NCKAP5: variants seen among roughly 807,000 people sequenced by gnomAD.
The protein encoded by NCKAP5 is nck-associated protein 5.
A neutral mutation model predicts 167.0 loss-of-function variants in NCKAP5; 92 were observed. The ratio of observed to expected loss-of-function variants is 0.55; its 90% CI spans 0.47 to 0.66. NCKAP5 has a LOEUF of 0.66. Among genes scored for constraint, NCKAP5 ranks in the 30% least tolerant of loss-of-function variants. NCKAP5 has a pLI of 0.00. For missense variants in NCKAP5, 2,378 were observed against 2,315.0 expected, an observed-to-expected ratio of 1.03 and a Z score of -0.56; for synonymous variants, 891 against 877.4, an observed-to-expected ratio of 1.02 and a Z score of -0.27.
intron 11 of NCKAP5, among the ~76,000 whole-genome samples, chr2:132,826,060 T>C (rs1428154475): frequency 6.6e-6 from 1 of 152,216 alleles, no homozygotes; most frequent in Non-Finnish European, 1.5e-5. Flanking sequence ...AATTGCTTAT[T>C]TAAAAGGAGG....
chr2:132,899,407 T>G (rs1693449456), intron 8 of NCKAP5, among the ~76,000 whole-genome samples: 1 of 152,264 alleles, frequency 6.6e-6, no homozygotes, highest in Non-Finnish European at 1.5e-5. Flanking sequence ...TAAGGCTGTT[T>G]TGCTTTCTCA....
At chr2:132,959,079 T>A (rs1352252974) in intron 8 of NCKAP5, among the ~76,000 whole-genome samples, 10 of 145,956 alleles carry the variant, frequency 6.9e-5, no homozygotes, top group African/African-American at 2.3e-4. Flanking sequence ...TAATAATATA[T>A]TAATAAATAT....
At chr2:133,454,612 C>A (rs1282503410) in intron 3 of NCKAP5, among the ~76,000 whole-genome samples, 1 of 152,038 alleles carries the variant, frequency 6.6e-6, no homozygotes, top group African/African-American at 2.4e-5. Flanking sequence ...CTTTGGAGTG[C>A]TTTTGACATG....
At chr2:132,697,823 G>A (rs1384184181) in intron 19 of NCKAP5, among the ~76,000 whole-genome samples, 2 of 152,066 alleles carry the variant, frequency 1.3e-5, no homozygotes, top group African/African-American at 4.8e-5. Context: ...AGTCTTTTTG[G>A]TTTTCAAATT....
chr2:132,687,756 C>CACACACACACA (rs1558922334), intron 19 of NCKAP5, among the ~76,000 whole-genome samples: 8 of 139,584 alleles, frequency 5.7e-5, no homozygotes, highest in African/African-American at 1.6e-4. Flanking sequence ...CACACACACA[C>CACACACACACA]CCTTCCTCTG....
the NCKAP5 span, among the ~76,000 whole-genome samples, chr2:133,585,004 AAGAG>A: frequency 1.4e-5 from 2 of 146,584 alleles, no homozygotes; most frequent in African/African-American, 2.5e-5. Flanking sequence ...GAGGGAAAGA[AAGAG>A]AGAAAAGAAA....
intron 8 of NCKAP5, among the ~76,000 whole-genome samples, chr2:132,892,137 G>A (rs1367297376): frequency 6.6e-6 from 1 of 152,146 alleles, no homozygotes; most frequent in Non-Finnish European, 1.5e-5. Flanking sequence ...AATGTACCAT[G>A]GGTCCTCTGG....
intron 8 of NCKAP5, among the ~76,000 whole-genome samples, chr2:132,894,441 C>CT (rs1055208050): frequency 3.3e-5 from 5 of 152,200 alleles, no homozygotes; most frequent in South Asian, 2.1e-4. Context: ...CATGTAATGA[C>CT]TTTTTTTTCT....
Position 132,733,014 on chromosome 2 carries a change from A to G in NCKAP5, c.5129-963T>C, listed in dbSNP as rs527726406. On this transcript the variant is annotated intron_variant, in intron 16 of 19. Coordinates refer to ENST00000409261, the MANE Select transcript of NCKAP5 (RefSeq NM_207363.3). ...ACGCTTTGGATTTCTTGGCAGTCCC[A>G]GGGATCCCACTATTCTCTAGAACAA... 6.6e-5 allele frequency among the ~76,000 whole-genome samples: 10 copies of G among 152,366 alleles called. No homozygotes were observed. In the East Asian group the frequency reaches 1.9e-3, roughly 29 times the overall value.
At chr2:133,236,637 A>C (rs573880134) in intron 4 of NCKAP5, among the ~76,000 whole-genome samples, 1 of 152,360 alleles carries the variant, frequency 6.6e-6, no homozygotes, top group East Asian at 1.9e-4. Context: ...AGTGGGAAAT[A>C]TTAAGATATA....
At chr2:133,671,841 GC>G in the NCKAP5 span, among the ~76,000 whole-genome samples, 7 of 152,240 alleles carry the variant, frequency 4.6e-5, no homozygotes, top group South Asian at 1.5e-3. Context: ...ATGCTGCCAT[GC>G]CCTGTGCATT....
chr2:133,139,892 T>C (rs1326379263), intron 5 of NCKAP5, among the ~76,000 whole-genome samples: 1 of 152,218 alleles, frequency 6.6e-6, no homozygotes, highest in Non-Finnish European at 1.5e-5. Flanking sequence ...CATTGAGTAA[T>C]AACCCAGGTA....
chr2:133,056,861 T>C (rs150489145), intron 6 of NCKAP5, among the ~76,000 whole-genome samples: 229 of 152,348 alleles, frequency 1.5e-3, no homozygotes, highest in African/African-American at 5.3e-3. Context: ...TGCCCTGTTT[T>C]AGTGTACATC....
intron 5 of NCKAP5, among the ~76,000 whole-genome samples, chr2:133,144,361 G>C (rs1201362735): frequency 6.6e-6 from 1 of 152,048 alleles, no homozygotes; most frequent in Non-Finnish European, 1.5e-5. Context: ...GAGGGAAATA[G>C]CTCAGCCATA....
At chr2:132,917,896 G>C (rs1404992358) in intron 8 of NCKAP5, among the ~76,000 whole-genome samples, 1 of 152,070 alleles carries the variant, frequency 6.6e-6, no homozygotes, top group African/African-American at 2.4e-5. Context: ...TCCTCTGCAG[G>C]AGGACCAATT....
chr2:133,136,361 A>T (rs1364644728), intron 5 of NCKAP5, among the ~76,000 whole-genome samples: 1 of 152,178 alleles, frequency 6.6e-6, no homozygotes, highest in African/African-American at 2.4e-5. Flanking sequence ...AAGAAAGAGG[A>T]ATTTATTTGG....
At chr2:133,475,186 G>T (rs1469022705) in intron 3 of NCKAP5, among the ~76,000 whole-genome samples, 4 of 152,156 alleles carry the variant, frequency 2.6e-5, no homozygotes, top group Non-Finnish European at 4.4e-5. Flanking sequence ...AAAACCATAT[G>T]CTGGCTGAAT....
intron 19 of NCKAP5, among the ~76,000 whole-genome samples, chr2:132,693,619 CTTTTTTTTTT>C (rs1185832600): frequency 1.5e-4 from 13 of 84,470 alleles, no homozygotes; most frequent in African/African-American, 2.7e-4. Context: ...CCCACCCCGC[CTTTTTTTTTT>C]TTTTTTTTTT....
At chr2:133,213,802 T>C in intron 4 of NCKAP5, 23 bp from the exon 5 acceptor site, 1 of 1,612,840 alleles carries the variant, frequency 6.2e-7, no homozygotes, top group Non-Finnish European at 8.5e-7. Flanking sequence ...AAACACATGA[T>C]TAGTTGACCA....
Sources: allele counts gnomAD v4.1 joint callset (sites outside exome capture counted in the v4.1 genomes callset), GRCh38; gene constraint gnomAD v4.1.1; transcripts MANE v1.5; gene names NCBI Gene and HGNC (gene_info 2026-07-23, HGNC 2026-07-21).